The following CCDC191 variants were observed in gnomAD, a reference collection of about 807,000 sequenced individuals.
CCDC191 encodes coiled-coil domain-containing protein 191.
CCDC191 carries 99 observed loss-of-function variants against 114.0 expected under a neutral mutation model. The ratio of observed to expected loss-of-function variants is 0.87; its 90% CI spans 0.74 to 1.03. The LOEUF is 1.03. Among genes scored for constraint, CCDC191 ranks in the 50% least tolerant of loss-of-function variants. The pLI, the probability that CCDC191 is intolerant of heterozygous loss-of-function variation, is 0.00. For synonymous variants in CCDC191, 351 were observed against 376.0 expected (o/e 0.93, Z 0.77); for missense variants, 973 against 1,087.0 (o/e 0.90, Z 1.47).
At chr3:114,028,648 G>C (rs1005944263) in intron 7 of CCDC191, among the ~76,000 whole-genome samples, 2 of 151,962 alleles carry the variant, frequency 1.3e-5, no homozygotes, top group East Asian at 1.9e-4. Context: ...GAGATAATGA[G>C]AGCCAGGTTT....
chr3:113,980,745 C>T lies in CCDC191; in HGVS notation c.2212G>A (p.Ala738Thr). ...KRIKRNQQLEAIAKEHYERVL... is the reference protein window; with the variant it reads ...KRIKRNQQLETIAKEHYERVL... ...CTTTCATAATGTTCTTTGGCTATTG[C>T]TTCCAGCTGCTGGTTCCTCTTAATT... The change falls in exon 14 of 17, where the codon GCA becomes ACA. Residue 738 changes from alanine (A) to threonine (T), a missense_variant. By Grantham distance (58) the Ala-to-Thr change is moderately conservative (BLOSUM62 0). Transcript: ENST00000295878. 6.2e-7 allele frequency: 1 copy of T among 1,610,618 alleles called. No homozygotes were observed. The highest frequency in any genetic ancestry group is 8.5e-7 in the Non-Finnish European group (1 of 1,178,926).
chr3:114,054,605 C>T (rs1047529619), intron 1 of CCDC191, among the ~76,000 whole-genome samples: 1 of 152,188 alleles, frequency 6.6e-6, no homozygotes, highest in African/African-American at 2.4e-5. Context: ...CCACTGCGCT[C>T]CAGCCTGGGC....
intron 8 of CCDC191, among the ~76,000 whole-genome samples, chr3:114,013,234 A>C (rs1237218640): frequency 2.5e-4 from 38 of 151,924 alleles, no homozygotes. Context: ...CAACAGAGTG[A>C]GACCCTGTGT....
chr3:114,046,794 T>G (rs2076636458), intron 2 of CCDC191, 62 bp from the exon 3 acceptor site: 2 of 1,511,502 alleles, frequency 1.3e-6, no homozygotes, highest in Non-Finnish European at 1.8e-6. Context: ...GTTAGAGAAT[T>G]TCTCTCCTAC....
At chr3:114,007,558 G>A (rs2075992682) in intron 9 of CCDC191, among the ~76,000 whole-genome samples, 1 of 152,176 alleles carries the variant, frequency 6.6e-6, no homozygotes, top group African/African-American at 2.4e-5. Flanking sequence ...TGGTGGTAAT[G>A]ACACCTTATT....
chr3:113,996,359 AT>A, intron 13 of CCDC191, among the ~76,000 whole-genome samples: 1 of 152,288 alleles, frequency 6.6e-6, no homozygotes, highest in East Asian at 1.9e-4. Context: ...CATTTATTAA[AT>A]AGGGAATCCT....
chr3:114,034,035 A>G (rs1024284979), intron 6 of CCDC191, among the ~76,000 whole-genome samples: 1 of 152,264 alleles, frequency 6.6e-6, no homozygotes, highest in Non-Finnish European at 1.5e-5. Context: ...CTCAGAATAA[A>G]TACATTAGTT....
intron 4 of CCDC191, among the ~76,000 whole-genome samples, chr3:114,042,432 T>G (rs563409779): frequency 1.3e-5 from 2 of 152,298 alleles, no homozygotes; most frequent in East Asian, 3.9e-4. Flanking sequence ...GAGTTTGGTA[T>G]CTGTGGGGGC....
Position 114,004,668 on chromosome 3 carries a change from C to T in CCDC191, c.1947G>A (p.Lys649=), listed in dbSNP as rs749656507. Residue 649 remains lysine (K), a synonymous_variant, in exon 11 of 17, where the codon AAG becomes AAA. Transcript: ENST00000295878. ...NSLSGLRRKP[K]QLMTPHPILK... ...GTATGGGATGCGGTGTCATCAATTG[C>T]TTTGGTTTCCTTCTGAGTCCAGAAA... 3 of 1,612,636 alleles carry T rather than the reference C, an allele frequency of 1.9e-6. No homozygotes were observed. The highest frequency in any genetic ancestry group is 2.5e-6 in the Non-Finnish European group (3 of 1,179,302).
rs915997827 is a variant in CCDC191, at chr3:114,042,617, T to C, written c.415+86A>G. ...AAAAAACACAGAAAACTTAAATATG[T>C]ATCATTTGTTATTCAAAACAATTAA... On this transcript the variant is annotated intron_variant, in intron 4 of 16. Transcript: ENST00000295878. 3 of 1,098,786 alleles carry C rather than the reference T, an allele frequency of 2.7e-6. No individual in the cohort carries two copies. In the African/African-American group the frequency reaches 5.0e-5, roughly 18 times the overall value. The allele number at this position is 1,098,786 out of a possible 1,614,324, so 68.1% of individuals were successfully genotyped here.
At position 113,967,632 on chromosome 3, in the gene CCDC191, C is replaced by T. The variant is rs1172205986; in HGVS notation, c.2607-2273G>A. 2.0e-5 allele frequency among the ~76,000 whole-genome samples: 3 copies of T among 152,166 alleles called. No individual in the cohort carries two copies. In the East Asian group the frequency reaches 5.8e-4, roughly 29 times the overall value. On this transcript the variant is annotated intron_variant, in intron 16 of 16. Transcript: ENST00000295878. Reference sequence around the variant, plus strand: ...ACCTTAAATATTTATCTTTTATTTACCATGGGGACATTCAAGTTATTCTCT... The same window carrying T: ...ACCTTAAATATTTATCTTTTATTTATCATGGGGACATTCAAGTTATTCTCT...
chr3:114,002,673 T>A (rs1052801736), intron 11 of CCDC191, 135 bp from the exon 12 acceptor site: 7 of 1,267,002 alleles, frequency 5.5e-6, no homozygotes, highest in African/African-American at 1.5e-5. Context: ...ATGTTCACAA[T>A]CTCAGAAAAT....
chr3:114,003,647 A>C (rs1456435097), intron 11 of CCDC191: 3 of 985,112 alleles, frequency 3.0e-6, no homozygotes, highest in Non-Finnish European at 3.6e-6. Flanking sequence ...AATCATACTT[A>C]ACTGGGTATT....
intron 16 of CCDC191, among the ~76,000 whole-genome samples, chr3:113,967,415 AT>A (rs1356233261): frequency 6.6e-6 from 1 of 151,764 alleles, no homozygotes; most frequent in African/African-American, 2.4e-5. Flanking sequence ...CTTTCCCTAC[AT>A]TTCTCTTTCT....
At chr3:113,978,429 A>T in intron 15 of CCDC191, 98 bp from the exon 16 acceptor site, 1 of 1,264,218 alleles carries the variant, frequency 7.9e-7, no homozygotes, top group Non-Finnish European at 1.1e-6. Context: ...GAAACAAAAG[A>T]AACAAATGAC....
At chr3:114,004,406 G>T (rs1043321017) in intron 11 of CCDC191, 3 of 1,072,218 alleles carry the variant, frequency 2.8e-6, no homozygotes, top group Admixed American at 5.3e-5. Flanking sequence ...ATGTTTTTTT[G>T]TGTGTGTGTT....
chr3:114,007,494 C>T (rs2075991586), intron 9 of CCDC191, among the ~76,000 whole-genome samples: 1 of 152,146 alleles, frequency 6.6e-6, no homozygotes, highest in South Asian at 2.1e-4. Flanking sequence ...CATGAGAACA[C>T]CTGCTTAAGC....
chr3:114,010,970 G>T lies in CCDC191; in HGVS notation c.1215C>A (p.Cys405Ter), dbSNP rs749418667. Residue 405 changes from cysteine to a stop codon, truncating the protein, a stop_gained, in exon 9 of 17, where the codon TGC (cysteine) becomes TGA (stop). Coordinates refer to ENST00000295878, the MANE Select transcript of CCDC191 (RefSeq NM_020817.2). LOFTEE classifies it high-confidence loss of function. ...CATGCCAATGCTGCCATTCTGTAAA[G>T]CAGTGTCGGAGAACTTGTTTCCGGT... The part of the protein sequence containing the change: ...EYNRKQVLRH[C>*]FTEWQHWHGA... 2 of 1,613,864 alleles carry T rather than the reference G, an allele frequency of 1.2e-6. No homozygotes were observed. Among genetic ancestry groups the T allele is most frequent in the African/African-American group, 2.7e-5 (2 of 74,926 alleles).
intron 16 of CCDC191, among the ~76,000 whole-genome samples, chr3:113,973,032 G>A (rs1190686438): frequency 6.6e-6 from 1 of 152,096 alleles, no homozygotes; most frequent in Non-Finnish European, 1.5e-5. Flanking sequence ...TTTAATTGGA[G>A]AACTGAGTCC....
Sources: gnomAD v4.1 joint callset for allele counts (sites outside exome capture counted in the v4.1 genomes callset) on GRCh38, gnomAD v4.1.1 for gene constraint, MANE v1.5 for transcripts, NCBI Gene and HGNC (gene_info 2026-07-23, HGNC 2026-07-21) for gene names.